Variants in KLF12 observed in about 807,000 individuals in gnomAD.
The protein encoded by KLF12 is KLF transcription factor 12.
In KLF12, 9 loss-of-function variants were observed where a neutral mutation model predicts 37.8. The ratio of observed to expected loss-of-function variants is 0.24; its 90% confidence interval spans 0.14 to 0.42. The LOEUF (loss-of-function observed/expected upper bound fraction) is 0.42, where lower values mean the gene tolerates loss of function less well. Among genes scored for constraint, KLF12 ranks in the 10% least tolerant of loss-of-function variants. KLF12 has a pLI of 1.00. For synonymous variants in KLF12, 208 were observed against 202.1 expected (o/e 1.03, Z -0.25); for missense variants, 411 against 516.0 (o/e 0.80, Z 1.97).
Position 73,959,124 on chromosome 13 carries a change from C to CAAAAAAAAAAAAAAAAAAAAA in KLF12, c.34-15055_34-15054insTTTTTTTTTTTTTTTTTTTTT, listed in dbSNP as rs66521656. ...ATCTCTGACCTCCACACCCCCCTTC[C>CAAAAAAAAAAAAAAAAAAAAA]AAAAAAAAACGCAGGCAAGAAAGAC... On this transcript the variant is annotated intron_variant, in intron 2 of 7. Transcript: ENST00000377669. Among the ~76,000 whole-genome samples the CAAAAAAAAAAAAAAAAAAAAA allele has an allele frequency of 1.0e-3, 90 of 86,854 alleles. 10 individuals are homozygous for CAAAAAAAAAAAAAAAAAAAAA. Among genetic ancestry groups the CAAAAAAAAAAAAAAAAAAAAA allele is most frequent in the Non-Finnish European group, 1.8e-3 (76 of 41,154 alleles). The allele number at this position is 86,854 out of a possible 152,430, so 57.0% of individuals were successfully genotyped here.
At chr13:74,149,645 A>G in the KLF12 span, among the ~76,000 whole-genome samples, 1 of 152,118 alleles carries the variant, frequency 6.6e-6, no homozygotes, top group Non-Finnish European at 1.5e-5. Flanking sequence ...TACTATCCAG[A>G]GGGACCTCTT....
intron 1 of KLF12, among the ~76,000 whole-genome samples, chr13:74,119,236 G>C (rs1425290103): frequency 1.3e-5 from 2 of 151,972 alleles, no homozygotes; most frequent in Non-Finnish European, 2.9e-5. Context: ...GGGAGGCTGA[G>C]GCAGAGAATC....
At chr13:74,267,042 C>A in the KLF12 span, among the ~76,000 whole-genome samples, 1 of 152,140 alleles carries the variant, frequency 6.6e-6, no homozygotes, top group South Asian at 2.1e-4. Context: ...ATAACTCACT[C>A]TCTAGATGTC....
the KLF12 span, among the ~76,000 whole-genome samples, chr13:74,242,294 C>A: frequency 6.6e-6 from 1 of 152,152 alleles, no homozygotes; most frequent in Admixed American, 6.5e-5. Context: ...CCTATTAATT[C>A]ATAAAGAAAA....
At chr13:73,937,468 C>T (rs1183894421) in intron 3 of KLF12, among the ~76,000 whole-genome samples, 2 of 152,176 alleles carry the variant, frequency 1.3e-5, no homozygotes, top group Non-Finnish European at 2.9e-5. Context: ...TTTTACAAAG[C>T]ACTGACCCTA....
At chr13:73,841,491 C>G (rs1002749016) in intron 4 of KLF12, among the ~76,000 whole-genome samples, 6 of 152,146 alleles carry the variant, frequency 3.9e-5, no homozygotes, top group Admixed American at 6.6e-5. Context: ...GGGTTGCATA[C>G]AGCCCACAGC....
chr13:74,254,776 A>ATG, the KLF12 span, among the ~76,000 whole-genome samples: 1 of 152,018 alleles, frequency 6.6e-6, no homozygotes, highest in East Asian at 1.9e-4. Flanking sequence ...GTTTGCGTGT[A>ATG]TGTGTGTGTG....
intron 1 of KLF12, among the ~76,000 whole-genome samples, chr13:74,096,844 C>T (rs1331811874): frequency 6.6e-6 from 1 of 152,182 alleles, no homozygotes; most frequent in Non-Finnish European, 1.5e-5. Flanking sequence ...TAAATGCCTG[C>T]ACAGAGAGCT....
intron 1 of KLF12, among the ~76,000 whole-genome samples, chr13:74,064,251 A>T (rs1873776896): frequency 6.6e-6 from 1 of 152,186 alleles, no homozygotes. Flanking sequence ...GAGAACACAT[A>T]GGCTCATATA....
chr13:74,268,097 G>C, the KLF12 span, among the ~76,000 whole-genome samples: 1 of 152,130 alleles, frequency 6.6e-6, no homozygotes, highest in African/African-American at 2.4e-5. Context: ...ATGAATTTTT[G>C]TTGTTTTAAG....
chr13:73,869,464 T>C (rs1383594325), intron 3 of KLF12, among the ~76,000 whole-genome samples: 1 of 152,160 alleles, frequency 6.6e-6, no homozygotes, highest in Admixed American at 6.5e-5. Flanking sequence ...CATTTAATAA[T>C]ACATTGTAAA....
chr13:74,015,457 C>A (rs1336763911), intron 1 of KLF12, among the ~76,000 whole-genome samples: 4 of 152,176 alleles, frequency 2.6e-5, no homozygotes, highest in African/African-American at 7.2e-5. Flanking sequence ...AGGAAACACT[C>A]AGTAAATGAC....
intron 1 of KLF12, among the ~76,000 whole-genome samples, chr13:74,086,667 T>C (rs1261037050): frequency 1.3e-5 from 2 of 152,124 alleles, no homozygotes; most frequent in Non-Finnish European, 2.9e-5. Context: ...CTGAACATCA[T>C]GGAGGTTAGG....
intron 7 of KLF12, among the ~76,000 whole-genome samples, chr13:73,707,104 G>A (rs1875010095): frequency 6.6e-6 from 1 of 152,180 alleles, no homozygotes; most frequent in Non-Finnish European, 1.5e-5. Context: ...AGTGAAGAGA[G>A]AAGACTCGTA....
At chr13:74,249,910 T>C in the KLF12 span, among the ~76,000 whole-genome samples, 1 of 152,186 alleles carries the variant, frequency 6.6e-6, no homozygotes, top group Non-Finnish European at 1.5e-5. Flanking sequence ...ACTGTGCCCT[T>C]GTGCTTTGAT....
At chr13:74,133,293 G>A (rs77919370) in intron 1 of KLF12, among the ~76,000 whole-genome samples, 18,047 of 151,904 alleles carry the variant, frequency 0.12, 1,272 homozygotes, top group South Asian at 0.19. Context: ...GCTCGAGGCC[G>A]GGGGGCCAAC....
intron 4 of KLF12, among the ~76,000 whole-genome samples, chr13:73,819,216 G>C (rs1027324205): frequency 1.3e-5 from 2 of 152,108 alleles, no homozygotes; most frequent in Non-Finnish European, 2.9e-5. Flanking sequence ...TTTGCACCGG[G>C]AATCTTCAGT....
intron 5 of KLF12, among the ~76,000 whole-genome samples, chr13:73,810,646 G>GACACACACACAC (rs71927679): frequency 0.19 from 28,701 of 150,696 alleles, 3,131 homozygotes; most frequent in East Asian, 0.39. Flanking sequence ...TATTTATAAA[G>GACACACACACAC]ACACACACAC....
chr13:73,796,547 GTT>G (rs1881983155), intron 5 of KLF12, among the ~76,000 whole-genome samples: 1 of 141,730 alleles, frequency 7.1e-6, no homozygotes, highest in Admixed American at 7.2e-5. Flanking sequence ...GTGTGTGTGT[GTT>G]ATTAAATCTT....
Sources: gnomAD v4.1 joint callset for allele counts (sites outside exome capture counted in the v4.1 genomes callset) on GRCh38, gnomAD v4.1.1 for gene constraint, MANE v1.5 for transcripts, NCBI Gene and HGNC (gene_info 2026-07-23, HGNC 2026-07-21) for gene names.